The following IKZF1 variants were observed in gnomAD, a reference collection of about 807,000 sequenced individuals.
IKZF1 encodes the protein IKAROS family zinc finger 1.
Under a neutral mutation model 51.7 loss-of-function variants are expected in IKZF1, and 10 were observed. The observed-to-expected ratio is 0.19, with a 90% CI of 0.12 to 0.33. IKZF1 has a LOEUF of 0.33. IKZF1 is among the 10% of genes least tolerant of loss of function. IKZF1 has a pLI of 1.00. For missense variants in IKZF1, 484 were observed against 707.5 expected (o/e 0.68, Z 3.58); for synonymous variants, 280 against 282.3 (o/e 0.99, Z 0.08).
intron 1 of IKZF1, among the ~76,000 whole-genome samples, chr7:50,312,094 G>A (rs1377807128): frequency 2.0e-5 from 3 of 152,246 alleles, no homozygotes; most frequent in Admixed American, 2.0e-4. Context: ...ATGCATGAAG[G>A]TCCTCTGAAA....
At chr7:50,366,074 G>GGA (rs1341345322) in intron 3 of IKZF1, among the ~76,000 whole-genome samples, 4 of 152,116 alleles carry the variant, frequency 2.6e-5, no homozygotes, top group Non-Finnish European at 5.9e-5. Flanking sequence ...AGCTGAATGA[G>GGA]GAGAATACAT....
At chr7:50,327,823 G>C (rs1795458772) in intron 3 of IKZF1, 66 bp downstream of exon 3, 1 of 1,471,220 alleles carries the variant, frequency 6.8e-7, no homozygotes, top group Non-Finnish European at 9.1e-7. Flanking sequence ...TTCCAAGACA[G>C]TGATGAAGGG....
chr7:50,356,122 C>A (rs1268241656), intron 3 of IKZF1, among the ~76,000 whole-genome samples: 1 of 152,268 alleles, frequency 6.6e-6, no homozygotes. Flanking sequence ...CTAAACGCAT[C>A]TACCCCGATA....
intron 2 of IKZF1, among the ~76,000 whole-genome samples, chr7:50,323,070 C>A (rs1793859387): frequency 6.6e-6 from 1 of 152,120 alleles, no homozygotes; most frequent in Non-Finnish European, 1.5e-5. Context: ...GTATATATTG[C>A]AGTGTCAATG....
intron 4 of IKZF1, among the ~76,000 whole-genome samples, chr7:50,379,024 C>T (rs1415079930): frequency 6.6e-6 from 1 of 152,242 alleles, no homozygotes; most frequent in Non-Finnish European, 1.5e-5. Flanking sequence ...ATTCTCTATG[C>T]TTAAAACATT....
Position 50,403,878 on chromosome 7 carries a change from A to G in IKZF1, c.*3251A>G, listed in dbSNP as rs1818553197. On this transcript the variant is annotated 3_prime_UTR_variant, in exon 8 of 8. Coordinates refer to ENST00000331340, the MANE Select transcript of IKZF1 (RefSeq NM_006060.6). ...TTTGTAGTGTCCTCTTCTTGCCAAA[A>G]CAAACGCGAGATGAACTGGACTTAT... 4.6e-6 allele frequency: 1 copy of G among 219,228 alleles called. No individual in the cohort carries two copies. Among genetic ancestry groups the G allele is most frequent in the South Asian group, 1.9e-4 (1 of 5,392 alleles). The allele number at this position is 219,228 out of a possible 1,614,324, so 13.6% of individuals were successfully genotyped here. A position where few individuals can be genotyped will look rare whatever the true frequency, so the allele number is the denominator to read the frequency against.
intron 3 of IKZF1, among the ~76,000 whole-genome samples, chr7:50,330,878 G>A (rs916121019): frequency 4.3e-4 from 65 of 152,288 alleles, no homozygotes; most frequent in African/African-American, 1.6e-3. Context: ...AATGCAGGGT[G>A]AGCAGCAGGG....
At chr7:50,314,921 G>A (rs571778750) in intron 1 of IKZF1, among the ~76,000 whole-genome samples, 2 of 152,308 alleles carry the variant, frequency 1.3e-5, no homozygotes, top group East Asian at 1.9e-4. Context: ...GTCCCGCCTC[G>A]GTGTGGAAGG....
intron 2 of IKZF1, among the ~76,000 whole-genome samples, chr7:50,321,664 C>G (rs1029148736): frequency 2.6e-5 from 4 of 152,024 alleles, no homozygotes; most frequent in Non-Finnish European, 5.9e-5. Context: ...ATTCTAGAGT[C>G]AAAGCTGAAT....
intron 6 of IKZF1, 108 bp downstream of exon 6, chr7:50,387,578 C>T (rs1813762615): frequency 7.2e-7 from 1 of 1,388,008 alleles, no homozygotes. Flanking sequence ...GGCCTGCTTC[C>T]TGCCGGGGCT....
chr7:50,370,201 G>A (rs1454156697), intron 3 of IKZF1, among the ~76,000 whole-genome samples: 1 of 152,052 alleles, frequency 6.6e-6, no homozygotes, highest in South Asian at 2.1e-4. Context: ...TGACTACTTC[G>A]GACTATCTTT....
intron 1 of IKZF1, among the ~76,000 whole-genome samples, chr7:50,313,931 G>C (rs1001883079): frequency 6.6e-6 from 1 of 152,170 alleles, no homozygotes; most frequent in Non-Finnish European, 1.5e-5. Flanking sequence ...TAAAGCCAGT[G>C]AGTACCAGTA....
Position 50,316,411 on chromosome 7 carries a change from G to A in IKZF1, c.-14-2637G>A, listed in dbSNP as rs553511475. ...TGGATTGCAAAACACAGGTCTCCAT[G>A]CTGGGGCAGGAGTGGTGATAGGGCA... is the stretch of plus-strand genomic sequence containing the variant. On this transcript the variant is annotated intron_variant, in intron 1 of 7. Coordinates refer to ENST00000331340, the MANE Select transcript of IKZF1 (RefSeq NM_006060.6). Among the ~76,000 whole-genome samples the A allele has an allele frequency of 6.6e-5, 10 of 152,334 alleles. No individual in the cohort carries two copies. The South Asian group carries it at 2.1e-3, about 32-fold the overall frequency.
At chr7:50,314,907 C>T (rs1791124868) in intron 1 of IKZF1, among the ~76,000 whole-genome samples, 1 of 152,222 alleles carries the variant, frequency 6.6e-6, no homozygotes, top group African/African-American at 2.4e-5. Context: ...ACAGCCAGGT[C>T]CCAGTCCCGC....
chr7:50,403,628 A>G lies in IKZF1; in HGVS notation c.*3001A>G. 4.4e-6 allele frequency: 1 copy of G among 228,690 alleles called. No individual in the cohort carries two copies. The highest frequency in any genetic ancestry group is 8.7e-6 in the Non-Finnish European group (1 of 115,102). 14.2% of individuals were successfully genotyped at this position (228,690 alleles called of 1,614,324 possible). On this transcript the variant is annotated 3_prime_UTR_variant, in exon 8 of 8. Transcript: ENST00000331340. ...TGATTATCCTAATTCAAGAGTCACT[A>G]AAACTCATCACATTATCATTGCATA...
chr7:50,344,335 A>C (rs1799817469), intron 3 of IKZF1, among the ~76,000 whole-genome samples: 1 of 152,224 alleles, frequency 6.6e-6, no homozygotes, highest in African/African-American at 2.4e-5. Flanking sequence ...CCCAGGCCAC[A>C]TCCGCTGATG....
chr7:50,334,792 G>T (rs1187810984), intron 3 of IKZF1, among the ~76,000 whole-genome samples: 3 of 151,192 alleles, frequency 2.0e-5, no homozygotes, highest in African/African-American at 4.9e-5. Flanking sequence ...ATGTGTATAT[G>T]TGTGTGGGAT....
chr7:50,376,522 G>C lies in IKZF1; in HGVS notation c.161-11G>C. 1.2e-6 allele frequency: 2 copies of C among 1,612,798 alleles called. No individual in the cohort carries two copies. The highest frequency in any genetic ancestry group is 1.7e-6 in the Non-Finnish European group (2 of 1,179,162). On this transcript the variant is annotated splice_polypyrimidine_tract_variant and intron_variant, in intron 3 of 7. Transcript: ENST00000331340. The surrounding 1 kb of genome is among the most constrained non-coding windows in gnomAD (Gnocchi z 4.5). ...ATGACACTGAGTGGCCTCCTGTATTGTTTCTTTCAGCCAGTAATGTTAAAG... is the reference window on the plus strand; with the variant it reads ...ATGACACTGAGTGGCCTCCTGTATTCTTTCTTTCAGCCAGTAATGTTAAAG...
intron 3 of IKZF1, among the ~76,000 whole-genome samples, chr7:50,353,740 T>C (rs1382722150): frequency 6.6e-6 from 1 of 152,240 alleles, no homozygotes; most frequent in Non-Finnish European, 1.5e-5. Flanking sequence ...TCTCTAGATG[T>C]ACTAGTCACA....
Sources: allele counts gnomAD v4.1 joint callset (sites outside exome capture counted in the v4.1 genomes callset), GRCh38; gene constraint gnomAD v4.1.1; non-coding constraint Gnocchi (gnomAD v3.1); transcripts MANE v1.5; gene names NCBI Gene and HGNC (gene_info 2026-07-23, HGNC 2026-07-21).